The following NOTCH1 variants were observed in gnomAD, a reference collection of about 807,000 sequenced individuals.
The protein encoded by NOTCH1 is neurogenic locus notch homolog protein 1.
Under a neutral mutation model 254.8 loss-of-function variants are expected in NOTCH1, and 37 were observed. The ratio of observed to expected loss-of-function variants is 0.15; its 90% CI spans 0.11 to 0.19. The LOEUF (loss-of-function observed/expected upper bound fraction) is 0.19. Among genes scored for constraint, NOTCH1 ranks in the 10% least tolerant of loss-of-function variants. The pLI is 1.00. For synonymous variants in NOTCH1, 1,731 were observed against 1,618.1 expected (o/e 1.07, Z -1.68); for missense variants, 2,972 against 3,708.6 (o/e 0.80, Z 5.16).
Position 136,500,835 on chromosome 9 carries a change from G to A in NOTCH1, c.5651C>T (p.Pro1884Leu), listed in dbSNP as rs545259523. 1.9e-6 allele frequency: 3 copies of A among 1,595,076 alleles called. No individual in the cohort carries two copies. Among genetic ancestry groups the A allele is most frequent in the African/African-American group, 1.3e-5 (1 of 74,962 alleles). The change falls in exon 31 of 34, where the codon CCG becomes CTG. Residue 1884 changes from proline to leucine, a missense_variant. Transcript: ENST00000651671. ...VNVRGPDGFT[P>L]LMIASCSGGG... ...CCCGCTGCAGGAGGCGATCATGAGC[G>A]GGGTGAAGCCATCTGCAGAGGCAGA...
At position 136,500,586 on chromosome 9, in the gene NOTCH1, G is replaced by A. The variant is rs772463545; in HGVS notation, c.5900C>T (p.Ala1967Val). 1.2e-6 allele frequency: 2 copies of A among 1,611,702 alleles called. No individual in the cohort carries two copies. The highest frequency in any genetic ancestry group is 2.2e-5 in the East Asian group (1 of 44,886). The change falls in exon 31 of 34, where the codon GCG becomes GTG. Residue 1967 changes from alanine (A) to valine (V), a missense_variant. By Grantham distance (64) the Ala-to-Val change is moderately conservative (BLOSUM62 0). Transcript: ENST00000651671. ...ACCTTGTGCGTCGGCAGACACAGCC[G>A]CATGCAGCGGGGTGCGGCCCATGTT... The part of the protein sequence containing the change: ...QDNMGRTPLH[A>V]AVSADAQGVF...
chr9:136,495,887 C>A lies in NOTCH1; in HGVS notation c.*184G>T. The A allele has an allele frequency of 1.6e-6, 1 of 641,610 alleles. No individual in the cohort carries two copies. The highest frequency in any genetic ancestry group is 2.4e-5 in the South Asian group (1 of 42,382). 39.7% of individuals were successfully genotyped at this position (641,610 alleles called of 1,614,324 possible). On this transcript the variant is annotated 3_prime_UTR_variant, in exon 34 of 34. Transcript: ENST00000651671. ...AAAACAGTACATATAAATAAAAAGG[C>A]AGTGTTTCTGTGTAAAATAAAAGTA... is the stretch of plus-strand genomic sequence containing the variant.
At chr9:136,503,027 C>T (rs1289793655) in intron 27 of NOTCH1, 155 bp downstream of exon 27, 2 of 1,100,762 alleles carry the variant, frequency 1.8e-6, no homozygotes, top group Non-Finnish European at 2.7e-6. Context: ...GGGCGGAGTG[C>T]CATTCAGAAA....
chr9:136,509,596 T>C (rs1843145217), intron 18 of NOTCH1, 137 bp downstream of exon 18: 3 of 767,528 alleles, frequency 3.9e-6, no homozygotes, highest in East Asian at 2.7e-5. Context: ...CAATGAACAA[T>C]GTCTGGACTC....
intron 2 of NOTCH1, among the ~76,000 whole-genome samples, chr9:136,541,085 C>A (rs985444278): frequency 6.6e-6 from 1 of 152,166 alleles, no homozygotes; most frequent in African/African-American, 2.4e-5. Context: ...CCTGGGCCTG[C>A]TCAGAAGGCC....
intron 9 of NOTCH1, among the ~76,000 whole-genome samples, chr9:136,516,551 A>T (rs1843275292): frequency 1.3e-5 from 2 of 152,182 alleles, no homozygotes; most frequent in Admixed American, 1.3e-4. Flanking sequence ...TCTCCATTGC[A>T]GGCCAACCTG....
intron 31 of NOTCH1, among the ~76,000 whole-genome samples, chr9:136,500,206 C>A (rs907199272): frequency 2.0e-5 from 3 of 152,178 alleles, no homozygotes; most frequent in Non-Finnish European, 4.4e-5. Context: ...GAGGGAGGGG[C>A]GGGGCTGCGA....
intron 1 of NOTCH1, among the ~76,000 whole-genome samples, chr9:136,544,545 G>A (rs1304920053): frequency 1.3e-5 from 2 of 152,162 alleles, no homozygotes; most frequent in Non-Finnish European, 2.9e-5. Context: ...TTCTGCAAGG[G>A]GGCAGAGCTG....
intron 2 of NOTCH1, among the ~76,000 whole-genome samples, chr9:136,540,000 C>T (rs1305634111): frequency 2.6e-5 from 4 of 152,214 alleles, no homozygotes; most frequent in Non-Finnish European, 4.4e-5. Context: ...TAGGGACATT[C>T]GCTTGGGAGA....
intron 15 of NOTCH1, 116 bp downstream of exon 15, chr9:136,512,905 C>T (rs989793333): frequency 3.8e-5 from 19 of 506,276 alleles, no homozygotes; most frequent in African/African-American, 3.5e-4. Flanking sequence ...GCTTCCCAGG[C>T]CGCCCCCACC....
At chr9:136,539,218 T>C (rs532302008) in intron 2 of NOTCH1, among the ~76,000 whole-genome samples, 3 of 152,358 alleles carry the variant, frequency 2.0e-5, no homozygotes, top group South Asian at 2.1e-4. Flanking sequence ...TTCTTTTCAA[T>C]GGAAAACATG....
At chr9:136,501,232 G>A (rs578021309) in intron 30 of NOTCH1, among the ~76,000 whole-genome samples, 18 of 152,142 alleles carry the variant, frequency 1.2e-4, no homozygotes, top group African/African-American at 4.1e-4. Context: ...TCAGGAGTTC[G>A]AGACCAGCCT....
Position 136,511,011 on chromosome 9 carries a change from C to T in NOTCH1, c.2587+141G>A, listed in dbSNP as rs1843173027. On this transcript the variant is annotated intron_variant, in intron 16 of 33. Transcript: ENST00000651671. ...GGTGCTCCCAGGTCAATTCCTGATT[C>T]CAGAACTTCTCCGACCAGGGCCTCC... 3 of 1,441,182 alleles carry T rather than the reference C, an allele frequency of 2.1e-6. 1 individual carries two copies. Among genetic ancestry groups the T allele is most frequent in the South Asian group, 2.4e-5 (2 of 82,628 alleles). The allele number at this position is 1,441,182 out of a possible 1,614,324, so 89.3% of individuals were successfully genotyped here. A position where few individuals can be genotyped will look rare whatever the true frequency, so the allele number is the denominator to read the frequency against.
At chr9:136,541,531 G>T (rs192134599) in intron 2 of NOTCH1, among the ~76,000 whole-genome samples, 151 of 152,288 alleles carry the variant, frequency 9.9e-4, no homozygotes, top group African/African-American at 3.5e-3. Flanking sequence ...AGACTCTTTC[G>T]AGAAACAGTG....
Position 136,508,895 on chromosome 9 carries a change from T to G in NOTCH1, c.3146A>C (p.Gln1049Pro). ...GCGSYRCTCP[Q>P]GYTGPNCQNL... Reference sequence around the variant, plus strand: ...CTGGCAGTTGGGGCCAGTGTAGCCCTGGGGGCAGGTGCACCTGTAGGAGCC... The same window carrying G: ...CTGGCAGTTGGGGCCAGTGTAGCCCGGGGGGCAGGTGCACCTGTAGGAGCC... The change falls in exon 19 of 34, where the codon CAG (glutamine) becomes CCG (proline). Residue 1049 changes from glutamine to proline, a missense_variant. This residue lies in a region of NOTCH1 where 1,343 missense variants were observed against 1,557.0 expected (regional missense o/e 0.86). Transcript: ENST00000651671. The G allele has an allele frequency of 6.5e-7, 1 of 1,548,148 alleles. No individual in the cohort carries two copies. Among genetic ancestry groups the G allele is most frequent in the Non-Finnish European group, 8.7e-7 (1 of 1,146,704 alleles).
chr9:136,531,753 G>A (rs1023832255), intron 2 of NOTCH1, among the ~76,000 whole-genome samples: 5 of 152,182 alleles, frequency 3.3e-5, no homozygotes, highest in Admixed American at 6.5e-5. Flanking sequence ...GGCAGACGCC[G>A]CCCTCCTGCG....
At position 136,512,894 on chromosome 9, in the gene NOTCH1, G is replaced by T. The variant is rs967259539; in HGVS notation, c.2467+127C>A. On this transcript the variant is annotated intron_variant, in intron 15 of 33. Transcript: ENST00000651671. ...AGCCACCACTTTACCCTCCAGTCAC[G>T]GCTTCCCAGGCCGCCCCCACCCCTG... is the stretch of plus-strand genomic sequence containing the variant. The T allele has an allele frequency of 6.0e-6, 4 of 667,262 alleles. No individual in the cohort carries two copies. In the East Asian group the frequency reaches 9.2e-5, roughly 15 times the overall value. 41.3% of individuals were successfully genotyped at this position (667,262 alleles called of 1,614,324 possible). A position where few individuals can be genotyped will look rare whatever the true frequency, so the allele number is the denominator to read the frequency against.
intron 2 of NOTCH1, chr9:136,543,456 AGAG>A (rs929282168): frequency 3.1e-5 from 8 of 255,196 alleles, no homozygotes; most frequent in African/African-American, 4.9e-5. Flanking sequence ...ACCTGTGCCC[AGAG>A]GAGGCATTGC....
intron 4 of NOTCH1, among the ~76,000 whole-genome samples, chr9:136,521,150 CG>C (rs1011142931): frequency 5.3e-5 from 8 of 152,150 alleles, no homozygotes; most frequent in African/African-American, 1.9e-4. Context: ...CAGGGGCCGC[CG>C]GGGACAGTCT....
Sources: allele counts gnomAD v4.1 joint callset (sites outside exome capture counted in the v4.1 genomes callset), GRCh38; gene constraint gnomAD v4.1.1; regional missense constraint gnomAD v4.1.1; transcripts MANE v1.5; gene names NCBI Gene and HGNC (gene_info 2026-07-23, HGNC 2026-07-21).